UGT1A5: variants seen among roughly 807,000 people sequenced by gnomAD.
UGT1A5 encodes UDP-glucuronosyltransferase 1A5.
UGT1A5 carries 29 observed loss-of-function variants against 40.3 expected under a neutral mutation model. The ratio of observed to expected loss-of-function variants is 0.72; its 90% CI spans 0.54 to 0.98. UGT1A5 has a LOEUF of 0.98. UGT1A5 is among the 50% of genes least tolerant of loss of function. UGT1A5 has a pLI of 0.00. For synonymous variants in UGT1A5, 257 were observed against 262.5 expected (o/e 0.98, Z 0.20); for missense variants, 678 against 677.9 (o/e 1.00, Z 0.00).
chr2:233,751,225 C>T (rs1015976096), intron 1 of UGT1A5, among the ~76,000 whole-genome samples: 6 of 151,960 alleles, frequency 3.9e-5, no homozygotes, highest in Admixed American at 3.9e-4. Flanking sequence ...TTAATGACTG[C>T]CCTGCCTGGT....
chr2:233,754,869 C>A (rs1695620043), intron 1 of UGT1A5: 2 of 1,352,824 alleles, frequency 1.5e-6, no homozygotes, highest in South Asian at 2.3e-5. Context: ...AGACCCTCTG[C>A]TTCTGCTTCC....
intron 1 of UGT1A5, chr2:233,743,959 C>T (rs371517697): frequency 1.3e-4 from 174 of 1,333,872 alleles, no homozygotes; most frequent in Non-Finnish European, 1.7e-4. Flanking sequence ...GCACAGCGAG[C>T]GGCAAGGCTG....
At chr2:233,751,611 G>C (rs1214226831) in intron 1 of UGT1A5, among the ~76,000 whole-genome samples, 1 of 152,166 alleles carries the variant, frequency 6.6e-6, no homozygotes, top group Admixed American at 6.5e-5. Flanking sequence ...CTGGTGGGAG[G>C]TGATTGGATC....
At chr2:233,724,456 G>A (rs1266099425) in intron 1 of UGT1A5, among the ~76,000 whole-genome samples, 5 of 126,746 alleles carry the variant, frequency 3.9e-5, no homozygotes, top group Admixed American at 7.7e-5. Flanking sequence ...GGCAGCTGCC[G>A]GGCGGAGGGG....
At chr2:233,746,870 G>A (rs544593514) in intron 1 of UGT1A5, among the ~76,000 whole-genome samples, 2 of 151,670 alleles carry the variant, frequency 1.3e-5, no homozygotes, top group African/African-American at 4.9e-5. Flanking sequence ...CCTGATAAAC[G>A]TGGTTAACAG....
intron 1 of UGT1A5, among the ~76,000 whole-genome samples, chr2:233,765,804 G>T (rs1575814743): frequency 6.6e-6 from 1 of 152,060 alleles, no homozygotes. Flanking sequence ...AGTGAGAAAA[G>T]AATTGCCATG....
chr2:233,764,474 A>G (rs1415490690), intron 1 of UGT1A5, among the ~76,000 whole-genome samples: 1 of 152,114 alleles, frequency 6.6e-6, no homozygotes, highest in East Asian at 1.9e-4. Context: ...CTGCTATTTA[A>G]CTTCGAATGT....
intron 1 of UGT1A5, among the ~76,000 whole-genome samples, chr2:233,752,861 G>T (rs1247616817): frequency 2.0e-5 from 3 of 152,178 alleles, no homozygotes; most frequent in Non-Finnish European, 2.9e-5. Context: ...TGAACTTTGT[G>T]TTAGCTTTCA....
chr2:233,754,775 G>T (rs1381490042), intron 1 of UGT1A5: 9 of 1,081,770 alleles, frequency 8.3e-6, no homozygotes, highest in Non-Finnish European at 1.1e-5. Context: ...TTCCCAGGGA[G>T]CCAAAGGAAC....
Position 233,769,622 on chromosome 2 carries a change from G to A in UGT1A5, c.1307+1183G>A, listed in dbSNP as rs926017310. 24 of 1,612,268 alleles carry A rather than the reference G, an allele frequency of 1.5e-5. No homozygotes were observed. Among genetic ancestry groups the A allele is most frequent in the Non-Finnish European group, 1.8e-5 (21 of 1,179,686 alleles). ...CACGGGGACACACCAGCTTGAGCAAGGGACAACAGGGGAGGACTGATGACT... is the reference window on the plus strand; with the variant it reads ...CACGGGGACACACCAGCTTGAGCAAAGGACAACAGGGGAGGACTGATGACT... On this transcript the variant is annotated intron_variant, in intron 4 of 4. Transcript: ENST00000373414. The surrounding 1 kb of genome is among the most constrained non-coding windows in gnomAD (Gnocchi z 4.4).
At chr2:233,762,024 A>T (rs1393568604) in intron 1 of UGT1A5, among the ~76,000 whole-genome samples, 1 of 151,856 alleles carries the variant, frequency 6.6e-6, no homozygotes, top group Non-Finnish European at 1.5e-5. Context: ...TTTGTATTTT[A>T]TTTTTTTTAA....
At chr2:233,754,654 T>C (rs1182813950) in intron 1 of UGT1A5, 3 of 457,300 alleles carry the variant, frequency 6.6e-6, no homozygotes, top group Admixed American at 4.9e-5. Context: ...TCAATGATTC[T>C]CTTGGTGGTG....
At position 233,713,168 on chromosome 2, in the gene UGT1A5, G is replaced by A. The variant is rs773495849; in HGVS notation, c.177G>A (p.Val59=). The change falls in exon 1 of 5, where the codon GTG becomes GTA. Residue 59 remains valine, a synonymous_variant. Coordinates refer to ENST00000373414, the MANE Select transcript of UGT1A5 (RefSeq NM_019078.2). ...RDLHARGHQV[V]VLTLEVNMYI... ...TCCATGCGAGAGGCCACCAGGTGGT[G>A]GTCCTCACCCTGGAGGTGAATATGT... 2 of 1,614,212 alleles carry A rather than the reference G, an allele frequency of 1.2e-6. No homozygotes were observed. Among genetic ancestry groups the A allele is most frequent in the South Asian group, 2.2e-5 (2 of 91,078 alleles).
intron 1 of UGT1A5, among the ~76,000 whole-genome samples, chr2:233,714,978 C>T (rs1467606775): frequency 1.3e-5 from 2 of 152,150 alleles, no homozygotes; most frequent in African/African-American, 4.8e-5. Context: ...CCAGGTTCAA[C>T]TGATTCTCCT....
chr2:233,758,419 A>C (rs1696871413), intron 1 of UGT1A5, among the ~76,000 whole-genome samples: 1 of 152,240 alleles, frequency 6.6e-6, no homozygotes, highest in Non-Finnish European at 1.5e-5. Context: ...TATAATCTGC[A>C]AATGAACTCA....
chr2:233,737,494 C>G (rs1180844627), intron 1 of UGT1A5, among the ~76,000 whole-genome samples: 1 of 152,208 alleles, frequency 6.6e-6, no homozygotes, highest in Admixed American at 6.5e-5. Context: ...AGGGAAATCC[C>G]TCACCCTCTT....
rs753668254 is a variant in UGT1A5 at position 233,760,974 on chromosome 2, G to A, written c.868-6060G>A. On this transcript the variant is annotated intron_variant, in intron 1 of 4. Coordinates refer to ENST00000373414, the MANE Select transcript of UGT1A5 (RefSeq NM_019078.2). ...TTCTGTGCGACGTGGTTTATTCCCC[G>A]TATGCAACCCTTGCCTCAGAATTCC... 78 of 1,614,002 alleles carry A rather than the reference G, an allele frequency of 4.8e-5. No individual in the cohort carries two copies. Among genetic ancestry groups the A allele is most frequent in the Admixed American group, 2.5e-4 (15 of 59,996 alleles).
Position 233,747,516 on chromosome 2 carries a change from G to C in UGT1A5, c.868-19518G>C, listed in dbSNP as rs1693703556. The C allele has an allele frequency of 1.9e-6, 3 of 1,607,196 alleles. 1 individual carries two copies. The African/African-American group carries it at 4.0e-5, about 22-fold the overall frequency. On this transcript the variant is annotated intron_variant, in intron 1 of 4. Coordinates refer to ENST00000373414, the MANE Select transcript of UGT1A5 (RefSeq NM_019078.2). ...GCTGGGCCACACTCAACTGTACTTT[G>C]AAACAGAACATTTTCTGAAGACATT...
intron 1 of UGT1A5, among the ~76,000 whole-genome samples, chr2:233,724,281 C>G (rs1325936815): frequency 2.7e-5 from 3 of 112,012 alleles, no homozygotes; most frequent in Admixed American, 8.5e-5. Flanking sequence ...GCTGGCCGGG[C>G]GGGGGGCTGA....
Sources: allele counts gnomAD v4.1 joint callset (sites outside exome capture counted in the v4.1 genomes callset), GRCh38; gene constraint gnomAD v4.1.1; non-coding constraint Gnocchi (gnomAD v3.1); transcripts MANE v1.5; gene names NCBI Gene and HGNC (gene_info 2026-07-23, HGNC 2026-07-21).